The following ZFHX3 variants were observed in gnomAD, a reference collection of about 807,000 sequenced individuals.
The protein encoded by ZFHX3 is zinc finger homeobox 3, also known as zinc finger homeobox protein 3.
A neutral mutation model predicts 279.1 loss-of-function variants in ZFHX3; 42 were observed. The ratio of observed to expected loss-of-function variants is 0.15; its 90% CI spans 0.12 to 0.19. The LOEUF (loss-of-function observed/expected upper bound fraction) is 0.19. ZFHX3 is among the 10% of genes least tolerant of loss of function. ZFHX3 has a pLI of 1.00. For missense variants in ZFHX3, 4,981 were observed against 4,754.0 expected, an observed-to-expected ratio of 1.05 and a Z score of -1.40; for synonymous variants, 2,293 against 1,957.8, an observed-to-expected ratio of 1.17 and a Z score of -4.52.
At chr16:72,805,433 G>T (rs758579857) in intron 7 of ZFHX3, among the ~76,000 whole-genome samples, 1 of 152,094 alleles carries the variant, frequency 6.6e-6, no homozygotes, top group Non-Finnish European at 1.5e-5. Flanking sequence ...GGCTCCCAAG[G>T]ATGCCTCAAA....
chr16:73,829,123 TA>T, intron 1 of ZFHX3, among the ~76,000 whole-genome samples: 1 of 61,850 alleles, frequency 1.6e-5, no homozygotes, highest in Non-Finnish European at 2.4e-5. Context: ...CTTTTTTCTC[TA>T]AACTTCCCTT....
chr16:73,711,055 C>A (rs1468059360), intron 1 of ZFHX3, among the ~76,000 whole-genome samples: 1 of 152,228 alleles, frequency 6.6e-6, no homozygotes, highest in Non-Finnish European at 1.5e-5. Context: ...AAAGGAATTT[C>A]TTTCATGCTT....
At chr16:73,277,533 A>T (rs1223105588) in intron 4 of ZFHX3, among the ~76,000 whole-genome samples, 1 of 152,208 alleles carries the variant, frequency 6.6e-6, no homozygotes, top group Non-Finnish European at 1.5e-5. Context: ...CAAATTGTCG[A>T]TGAATTAAAT....
intron 1 of ZFHX3, among the ~76,000 whole-genome samples, chr16:73,702,288 G>C (rs1272870986): frequency 2.0e-5 from 3 of 152,154 alleles, no homozygotes; most frequent in Non-Finnish European, 4.4e-5. Flanking sequence ...TAAGGACACA[G>C]CAAAGAGAAG....
intron 5 of ZFHX3, among the ~76,000 whole-genome samples, chr16:72,819,080 C>T (rs796229942): frequency 3.3e-5 from 5 of 152,288 alleles, no homozygotes; most frequent in African/African-American, 1.2e-4. Flanking sequence ...ATAATTATAG[C>T]TTCACAGGAA....
intron 1 of ZFHX3, among the ~76,000 whole-genome samples, chr16:73,683,436 T>C (rs140486341): frequency 2.0e-5 from 3 of 152,346 alleles, no homozygotes; most frequent in Non-Finnish European, 4.4e-5. Context: ...GTATTTTAAG[T>C]GACTGTGATT....
At chr16:73,421,515 C>T (rs957971598) in intron 3 of ZFHX3, 8 of 152,088 alleles carry the variant, frequency 5.3e-5, no homozygotes, top group African/African-American at 9.7e-5. Flanking sequence ...AGGATACATC[C>T]GTATTTCATT....
intron 5 of ZFHX3, among the ~76,000 whole-genome samples, chr16:73,224,791 A>G (rs539191565): frequency 1.2e-4 from 19 of 152,338 alleles, no homozygotes; most frequent in African/African-American, 4.6e-4. Context: ...AACTGGCACA[A>G]GGTCAAAAAG....
chr16:72,804,682 A>C (rs2143528099), intron 7 of ZFHX3, among the ~76,000 whole-genome samples: 1 of 152,326 alleles, frequency 6.6e-6, no homozygotes, highest in East Asian at 1.9e-4. Flanking sequence ...TGTCTGAGAT[A>C]CGGGACTAGT....
chr16:73,610,041 G>A (rs2052229304), intron 2 of ZFHX3: 1 of 152,056 alleles, frequency 6.6e-6, no homozygotes, highest in Non-Finnish European at 1.5e-5. Flanking sequence ...ATTTCAAACG[G>A]GCAATGTCCC....
intron 2 of ZFHX3, among the ~76,000 whole-genome samples, chr16:73,460,362 C>G (rs1279338033): frequency 6.6e-6 from 1 of 152,176 alleles, no homozygotes; most frequent in Non-Finnish European, 1.5e-5. Flanking sequence ...GCTTAACCAT[C>G]TACCTACTGG....
chr16:73,194,598 A>G (rs1017740268), intron 5 of ZFHX3, among the ~76,000 whole-genome samples: 53 of 152,358 alleles, frequency 3.5e-4, no homozygotes, highest in African/African-American at 1.2e-3. Flanking sequence ...TATTATGGTT[A>G]CGTCAACTAG....
In ZFHX3 at chr16:72,794,667, T is replaced by C. The variant is rs1250036126; in HGVS notation, c.8015A>G (p.Asp2672Gly). ...LDSNPTRKML[D>G]HIAHEVGLKK... ...CAAGCCCACCTCGTGTGCAATGTGA[T>C]CCAACATCTTTCGAGTCGGATTGGA... is the stretch of plus-strand genomic sequence containing the variant. Residue 2672 changes from aspartate to glycine, a missense_variant, in exon 9 of 10, where the codon GAT becomes GGT. Coordinates refer to ENST00000268489, the MANE Select transcript of ZFHX3 (RefSeq NM_006885.4). The surrounding 1 kb of genome is among the most constrained non-coding windows in gnomAD (Gnocchi z 4.2). The C allele has an allele frequency of 6.2e-7, 1 of 1,614,116 alleles. No homozygotes were observed. The highest frequency in any genetic ancestry group is 8.5e-7 in the Non-Finnish European group (1 of 1,180,060).
At chr16:73,060,330 A>G (rs891208520), upstream of ZFHX3, 3 of 152,048 alleles carry the variant, frequency 2.0e-5, no homozygotes, top group Admixed American at 2.0e-4. Context: ...AAAGACTAGG[A>G]GCGGTACATC....
At chr16:73,332,583 T>A (rs1020787767) in intron 3 of ZFHX3, among the ~76,000 whole-genome samples, 2 of 152,258 alleles carry the variant, frequency 1.3e-5, no homozygotes, top group African/African-American at 4.8e-5. Flanking sequence ...CTCAAGATTT[T>A]CATCTAGTCA....
At chr16:73,041,432 C>T (rs1044483079) in intron 1 of ZFHX3, among the ~76,000 whole-genome samples, 1 of 125,016 alleles carries the variant, frequency 8.0e-6, no homozygotes, top group Non-Finnish European at 1.7e-5. Flanking sequence ...ACCCTACTAC[C>T]GTCATTTCTG....
At chr16:73,663,724 G>A (rs1227160492) in intron 2 of ZFHX3, among the ~76,000 whole-genome samples, 7 of 152,030 alleles carry the variant, frequency 4.6e-5, no homozygotes, top group Non-Finnish European at 1.0e-4. Flanking sequence ...CTGGGGAAGC[G>A]TAAGCCATGA....
rs1204452305 is a variant in ZFHX3, at chr16:73,183,721, C to CT, written c.-1103-39891dup. Among the ~76,000 whole-genome samples the CT allele has an allele frequency of 2.0e-5, 3 of 152,302 alleles. No homozygotes were observed. In the East Asian group the frequency reaches 5.8e-4, roughly 29 times the overall value. ...CTGCTGCGCCTGACTGCTCTGCCCT[C>CT]TGTGAGCCTCCTCTGAATGGTTTCC... On this transcript the variant is annotated intron_variant, in intron 5 of 17. Transcript: ENST00000641206.
At chr16:72,909,525 A>G (rs1438993849) in intron 3 of ZFHX3, among the ~76,000 whole-genome samples, 1 of 151,356 alleles carries the variant, frequency 6.6e-6, no homozygotes, top group African/African-American at 2.5e-5. Flanking sequence ...TTTCTCTCAC[A>G]CACACCCTCT....
Sources: allele counts gnomAD v4.1 joint callset (sites outside exome capture counted in the v4.1 genomes callset), GRCh38; gene constraint gnomAD v4.1.1; non-coding constraint Gnocchi (gnomAD v3.1); transcripts MANE v1.5; gene names NCBI Gene and HGNC (gene_info 2026-07-23, HGNC 2026-07-21).